The following SRRM4 variants were observed in gnomAD, a reference collection of about 807,000 sequenced individuals.
The protein encoded by SRRM4 is serine/arginine repetitive matrix 4.
SRRM4 carries 33 observed loss-of-function variants against 68.9 expected under a neutral mutation model. The ratio of observed to expected loss-of-function variants is 0.48; its 90% confidence interval spans 0.36 to 0.64. SRRM4 has a LOEUF of 0.64. SRRM4 is among the 30% of genes least tolerant of loss of function. The probability of loss-of-function intolerance (pLI) is 0.00; values close to 1 mark genes in which losing one functional copy is unlikely to be tolerated. For missense variants in SRRM4, 817 were observed against 827.1 expected (o/e 0.99, Z 0.15); for synonymous variants, 318 against 318.8 (o/e 1.00, Z 0.03).
At chr12:119,037,041 C>A (rs555566170) in intron 1 of SRRM4, 5 of 152,112 alleles carry the variant, frequency 3.3e-5, no homozygotes, top group Non-Finnish European at 7.3e-5. Flanking sequence ...GTGGTGGAAA[C>A]GAGGCGATAT....
At chr12:119,030,479 A>C (rs1324670073) in intron 1 of SRRM4, among the ~76,000 whole-genome samples, 1 of 113,734 alleles carries the variant, frequency 8.8e-6, no homozygotes, top group Non-Finnish European at 1.8e-5. Flanking sequence ...GACTTGTATT[A>C]ATTAATCTTG....
At position 119,081,198 on chromosome 12, in the gene SRRM4, A is replaced by G. The variant is rs537683139; in HGVS notation, c.132-21038A>G. Among the ~76,000 whole-genome samples the G allele has an allele frequency of 4.6e-5, 7 of 152,328 alleles. No homozygotes were observed. In the South Asian group the frequency reaches 1.4e-3, roughly 32 times the overall value. On this transcript the variant is annotated intron_variant, in intron 1 of 12. Coordinates refer to ENST00000267260, the MANE Select transcript of SRRM4 (RefSeq NM_194286.4). ...TCCAATAAACAGCACAAATATGTAA[A>G]TGATCATATTATATTACAGGGTAAT...
In SRRM4 at chr12:119,156,549, C is replaced by T. The variant is rs1419418860; in HGVS notation, c.1587C>T (p.Ser529=). ...GGCCCAGCCCCTCCTCATCCGGCAGCCTCAGCAGCACCTCCTCCTGGTACA... is the reference window on the plus strand; with the variant it reads ...GGCCCAGCCCCTCCTCATCCGGCAGTCTCAGCAGCACCTCCTCCTGGTACA... ...YYRPSPSSSG[S]LSSTSSWYSS... is the part of the protein sequence containing the mutation. Residue 529 remains serine, a synonymous_variant, in exon 13 of 13, where the codon AGC becomes AGT. Coordinates refer to ENST00000267260, the MANE Select transcript of SRRM4 (RefSeq NM_194286.4). 2.5e-6 allele frequency: 4 copies of T among 1,611,440 alleles called. No individual in the cohort carries two copies. Among genetic ancestry groups the T allele is most frequent in the Admixed American group, 3.3e-5 (2 of 60,000 alleles).
intron 3 of SRRM4, among the ~76,000 whole-genome samples, chr12:119,115,895 G>T (rs1954176912): frequency 6.6e-6 from 1 of 152,040 alleles, no homozygotes; most frequent in Non-Finnish European, 1.5e-5. Flanking sequence ...TTAATTGGTG[G>T]TCAACATTTC....
At chr12:119,010,680 G>A (rs950982897) in intron 1 of SRRM4, among the ~76,000 whole-genome samples, 6 of 152,150 alleles carry the variant, frequency 3.9e-5, no homozygotes, top group Non-Finnish European at 8.8e-5. Context: ...CCTACTCCAT[G>A]ACCAGCTCTT....
At position 119,154,171 on chromosome 12, in the gene SRRM4, C is replaced by A. The variant is rs964222598; in HGVS notation, c.1392-72C>A. The A allele has an allele frequency of 8.0e-6, 11 of 1,369,768 alleles. No homozygotes were observed. Among genetic ancestry groups the A allele is most frequent in the Non-Finnish European group, 1.1e-5 (11 of 987,662 alleles). The allele number at this position is 1,369,768 out of a possible 1,614,324, so 84.9% of individuals were successfully genotyped here. A position where few individuals can be genotyped will look rare whatever the true frequency, so the allele number is the denominator to read the frequency against. ...GTGGGGTGGGAAAGAAAGGGAGTGT[C>A]CCTCTCCCACGCGCTCACGCAGAAA... On this transcript the variant is annotated intron_variant, in intron 11 of 12. Coordinates refer to ENST00000267260, the MANE Select transcript of SRRM4 (RefSeq NM_194286.4). The surrounding 1 kb of genome is among the most constrained non-coding windows in gnomAD (Gnocchi z 4.7).
At chr12:119,011,973 T>A (rs1953452474) in intron 1 of SRRM4, among the ~76,000 whole-genome samples, 2 of 152,224 alleles carry the variant, frequency 1.3e-5, no homozygotes, top group African/African-American at 4.8e-5. Context: ...GAGGATTAAG[T>A]AAGGTAACAT....
At chr12:118,990,513 C>G (rs1200723329) in intron 1 of SRRM4, among the ~76,000 whole-genome samples, 1 of 152,210 alleles carries the variant, frequency 6.6e-6, no homozygotes, top group Non-Finnish European at 1.5e-5. Context: ...GAATTCAGGT[C>G]TGTCTGATTG....
chr12:119,058,950 A>G (rs1334545764), intron 1 of SRRM4, among the ~76,000 whole-genome samples: 3 of 152,186 alleles, frequency 2.0e-5, no homozygotes, highest in Non-Finnish European at 4.4e-5. Flanking sequence ...CCCCACCCGC[A>G]GCAGAGCCAG....
intron 8 of SRRM4, among the ~76,000 whole-genome samples, chr12:119,135,344 T>C (rs1954321570): frequency 6.6e-6 from 1 of 152,208 alleles, no homozygotes. Context: ...GCAGGTTTCT[T>C]GTTCCTCTTC....
At chr12:119,071,979 TTTCAGA>T (rs1953880737) in intron 1 of SRRM4, among the ~76,000 whole-genome samples, 1 of 152,236 alleles carries the variant, frequency 6.6e-6, no homozygotes, top group Admixed American at 6.5e-5. Context: ...CGAGCTCATG[TTTCAGA>T]GTAAAGCTCT....
At chr12:119,121,553 T>G (rs1202033875) in intron 5 of SRRM4, among the ~76,000 whole-genome samples, 1 of 152,204 alleles carries the variant, frequency 6.6e-6, no homozygotes, top group Non-Finnish European at 1.5e-5. Context: ...TATAAATTGA[T>G]TGAACAGCAG....
intron 1 of SRRM4, among the ~76,000 whole-genome samples, chr12:119,015,755 C>T (rs1159986160): frequency 2.6e-5 from 4 of 152,000 alleles, no homozygotes; most frequent in Non-Finnish European, 5.9e-5. Flanking sequence ...TCCTCAGACA[C>T]ACTATCCTCA....
chr12:119,049,536 T>C (rs1250276952), intron 1 of SRRM4, among the ~76,000 whole-genome samples: 2 of 152,186 alleles, frequency 1.3e-5, no homozygotes, highest in Non-Finnish European at 2.9e-5. Flanking sequence ...AAAGGATCAC[T>C]CTGGCTATGG....
At chr12:119,027,007 CT>C (rs1953553008) in intron 1 of SRRM4, among the ~76,000 whole-genome samples, 2 of 152,150 alleles carry the variant, frequency 1.3e-5, no homozygotes, top group South Asian at 4.1e-4. Flanking sequence ...AAAATTTCTC[CT>C]TCTCAAGAAG....
chr12:119,015,937 T>A (rs1391907564), intron 1 of SRRM4, among the ~76,000 whole-genome samples: 1 of 152,136 alleles, frequency 6.6e-6, no homozygotes, highest in Admixed American at 6.5e-5. Flanking sequence ...CCTTGCATAT[T>A]CATGCCCACC....
intron 1 of SRRM4, among the ~76,000 whole-genome samples, chr12:119,027,979 CAT>C (rs751185527): frequency 2.0e-5 from 3 of 152,220 alleles, no homozygotes; most frequent in Non-Finnish European, 2.9e-5. Flanking sequence ...GATTCTTAAA[CAT>C]ATGCATGCAG....
intron 7 of SRRM4, 90 bp from the exon 8 acceptor site, chr12:119,130,588 T>C: frequency 7.6e-7 from 1 of 1,324,362 alleles, no homozygotes; most frequent in South Asian, 1.5e-5. Context: ...CAAACACACT[T>C]TATCATCCTC....
chr12:119,158,515 C>G lies in SRRM4; in HGVS notation c.*1717C>G, dbSNP rs1343494830. ...TCCATCAGAAGACAGGAGTGAGGGC[C>G]CCGGGCAGCAGTGGACGACCCAGCC... On this transcript the variant is annotated 3_prime_UTR_variant, in exon 13 of 13. Transcript: ENST00000267260. 2 of 152,600 alleles carry G rather than the reference C, an allele frequency of 1.3e-5. No individual in the cohort carries two copies. The highest frequency in any genetic ancestry group is 1.5e-5 in the Non-Finnish European group (1 of 68,350). 9.5% of individuals were successfully genotyped at this position (152,600 alleles called of 1,614,324 possible).
Sources: gnomAD v4.1 joint callset for allele counts (sites outside exome capture counted in the v4.1 genomes callset) on GRCh38, gnomAD v4.1.1 for gene constraint, Gnocchi (gnomAD v3.1) non-coding constraint, MANE v1.5 for transcripts, NCBI Gene and HGNC (gene_info 2026-07-23, HGNC 2026-07-21) for gene names.